Variants in RYR2 observed in about 807,000 individuals in gnomAD.
The protein encoded by RYR2 is cardiac muscle ryanodine receptor-calcium release channel.
Under a neutral mutation model 601.1 loss-of-function variants are expected in RYR2, and 227 were observed. The ratio of observed to expected loss-of-function variants is 0.38; its 90% CI spans 0.34 to 0.42. RYR2 has a LOEUF of 0.42. Among genes scored for constraint, RYR2 ranks in the 10% least tolerant of loss-of-function variants. The probability of loss-of-function intolerance (pLI) is 1.00; values close to 1 mark genes in which losing one functional copy is unlikely to be tolerated. For synonymous variants in RYR2, 2,223 were observed against 2,175.1 expected (o/e 1.02, Z -0.61); for missense variants, 4,646 against 6,156.5 (o/e 0.75, Z 8.21).
intron 1 of RYR2, among the ~76,000 whole-genome samples, chr1:237,134,845 C>T (rs1672586483): frequency 6.6e-6 from 1 of 152,068 alleles, no homozygotes; most frequent in Admixed American, 6.6e-5. Context: ...TTTTATCATC[C>T]CTGTTTTACA....
Position 237,617,342 on chromosome 1 carries a change from C to T in RYR2, c.5772C>T (p.Ala1924=), listed in dbSNP as rs1283624754. 6.2e-7 allele frequency: 1 copy of T among 1,613,898 alleles called. No individual in the cohort carries two copies. The highest frequency in any genetic ancestry group is 2.2e-5 in the East Asian group (1 of 44,878). Residue 1924 remains alanine (A), a synonymous_variant, in exon 38 of 105, where the codon GCC becomes GCT. Coordinates refer to ENST00000366574, the MANE Select transcript of RYR2 (RefSeq NM_001035.3). ...CDCQVRHRIE[A]IVAFSDDFVA... is the part of the protein sequence containing the mutation. The stretch of plus-strand genomic sequence containing the variant: ...GCCAGGTCCGGCACCGGATAGAAGC[C>T]ATTGTAGCCTTTTCAGATGATTTTG...
intron 14 of RYR2, among the ~76,000 whole-genome samples, chr1:237,446,386 G>A (rs750899117): frequency 6.6e-6 from 1 of 151,938 alleles, no homozygotes; most frequent in Non-Finnish European, 1.5e-5. Flanking sequence ...TTTCTTTTGT[G>A]TTTAATCCTA....
At chr1:237,386,131 A>G (rs1308253911) in intron 8 of RYR2, among the ~76,000 whole-genome samples, 2 of 152,204 alleles carry the variant, frequency 1.3e-5, no homozygotes, top group African/African-American at 4.8e-5. Context: ...TGAGGAGAGG[A>G]ATAAGAGCAA....
chr1:237,304,280 G>T (rs1032492024), intron 2 of RYR2, among the ~76,000 whole-genome samples: 6 of 152,174 alleles, frequency 3.9e-5, no homozygotes, highest in African/African-American at 1.4e-4. Context: ...TTGCCTGTAA[G>T]CTCATCCCAT....
chr1:237,555,590 C>T (rs1010227099), intron 27 of RYR2, among the ~76,000 whole-genome samples: 11 of 152,022 alleles, frequency 7.2e-5, no homozygotes, highest in East Asian at 3.9e-4. Flanking sequence ...GTTTTCCTTC[C>T]GCTCCCCCAC....
chr1:237,291,099 A>G lies in RYR2; in HGVS notation c.168+20483A>G, dbSNP rs976348402. On this transcript the variant is annotated intron_variant, in intron 2 of 104. Coordinates refer to ENST00000366574, the MANE Select transcript of RYR2 (RefSeq NM_001035.3). ...TGATTATACCTACTAATGTTTAAGA[A>G]GGTCATAATTGGGACCCAGCAAATT... 5.9e-5 allele frequency among the ~76,000 whole-genome samples: 9 copies of G among 152,184 alleles called. No individual in the cohort carries two copies. In the South Asian group the frequency reaches 1.9e-3, roughly 31 times the overall value.
intron 1 of RYR2, among the ~76,000 whole-genome samples, chr1:237,044,476 T>G (rs1243486648): frequency 1.3e-5 from 2 of 152,272 alleles, no homozygotes; most frequent in East Asian, 1.9e-4. Context: ...ATGTCAACTC[T>G]GTGCCACTCA....
chr1:237,171,328 G>C (rs1257952899), intron 1 of RYR2, among the ~76,000 whole-genome samples: 1 of 152,120 alleles, frequency 6.6e-6, no homozygotes, highest in Non-Finnish European at 1.5e-5. Flanking sequence ...ACATGTAGTA[G>C]TTGCTAAATG....
chr1:237,150,436 T>C (rs1295545430), intron 1 of RYR2, among the ~76,000 whole-genome samples: 2 of 152,194 alleles, frequency 1.3e-5, no homozygotes, highest in African/African-American at 4.8e-5. Context: ...AGGGCTGGGA[T>C]GGAATCTTTT....
intron 1 of RYR2, among the ~76,000 whole-genome samples, chr1:237,251,776 T>C (rs559271249): frequency 1.3e-5 from 2 of 152,268 alleles, no homozygotes; most frequent in South Asian, 4.1e-4. Flanking sequence ...TGGAAGAACA[T>C]CATCACAAAC....
At chr1:237,718,743 A>G in intron 73 of RYR2, among the ~76,000 whole-genome samples, 1 of 152,176 alleles carries the variant, frequency 6.6e-6, no homozygotes, top group Non-Finnish European at 1.5e-5. Context: ...TTTGGAAAAA[A>G]TATATGTCAT....
intron 81 of RYR2, 50 bp from the exon 82 acceptor site, chr1:237,757,647 A>G (rs766281826): frequency 2.2e-5 from 26 of 1,188,644 alleles, no homozygotes; most frequent in Non-Finnish European, 3.3e-5. Context: ...GAATAGGTTA[A>G]TATAGAAGGC....
At chr1:237,651,811 G>C (rs1464831357) in intron 51 of RYR2, among the ~76,000 whole-genome samples, 1 of 152,166 alleles carries the variant, frequency 6.6e-6, no homozygotes, top group Non-Finnish European at 1.5e-5. Flanking sequence ...GCCAAGGTGG[G>C]CGGATCACGA....
At chr1:237,446,754 C>T (rs995044504) in intron 14 of RYR2, among the ~76,000 whole-genome samples, 1 of 152,166 alleles carries the variant, frequency 6.6e-6, no homozygotes, top group Admixed American at 6.6e-5. Flanking sequence ...CAACTCCAAG[C>T]CTCATCAGAT....
chr1:237,560,451 G>A (rs1159069040), intron 27 of RYR2, among the ~76,000 whole-genome samples: 2 of 152,200 alleles, frequency 1.3e-5, no homozygotes, highest in Non-Finnish European at 2.9e-5. Context: ...TCTGGGAACT[G>A]GGCTTTGGAG....
intron 1 of RYR2, among the ~76,000 whole-genome samples, chr1:237,148,526 AAAT>A (rs375377447): frequency 0.32 from 25,488 of 78,514 alleles, 2,907 homozygotes; most frequent in Admixed American, 0.43. Flanking sequence ...AAAAAAAAAA[AAAT>A]ATATATATAT....
rs1284351964 is a variant in RYR2 at position 237,403,485 on chromosome 1, C to T, written c.774-13564C>T. Among the ~76,000 whole-genome samples, 4 of 152,270 alleles carry T rather than the reference C, an allele frequency of 2.6e-5. No individual in the cohort carries two copies. The South Asian group carries it at 6.2e-4, about 24-fold the overall frequency. On this transcript the variant is annotated intron_variant, in intron 10 of 104. Transcript: ENST00000366574. ...TCCGGCTAGAGTGCAGTGGTGTGAT[C>T]ATGGTTCACTGCAGCCTCAACCCCC...
At chr1:237,044,976 C>G (rs1406156614) in intron 1 of RYR2, among the ~76,000 whole-genome samples, 3 of 140,422 alleles carry the variant, frequency 2.1e-5, no homozygotes, top group Admixed American at 1.4e-4. Flanking sequence ...TTTTTTAAAG[C>G]AAATAGCCCA....
At chr1:237,538,155 C>T (rs996010084) in intron 25 of RYR2, among the ~76,000 whole-genome samples, 5 of 151,474 alleles carry the variant, frequency 3.3e-5, no homozygotes, top group African/African-American at 7.3e-5. Context: ...TTTGGGAAGT[C>T]GAGGTGGGCA....
Sources: allele counts gnomAD v4.1 joint callset (sites outside exome capture counted in the v4.1 genomes callset), GRCh38; gene constraint gnomAD v4.1.1; transcripts MANE v1.5; gene names NCBI Gene and HGNC (gene_info 2026-07-23, HGNC 2026-07-21).